The following FCRL3 variants were observed in gnomAD, a reference collection of about 807,000 sequenced individuals.
FCRL3 encodes Fc receptor-like protein 3.
Under a neutral mutation model 75.0 loss-of-function variants are expected in FCRL3, and 89 were observed. The observed-to-expected ratio is 1.19, with a 90% CI of 1.00 to 1.42. The LOEUF is 1.42. FCRL3 is among the 40% of genes most tolerant of loss of function. The pLI, the probability that FCRL3 is intolerant of heterozygous loss-of-function variation, is 0.00. For missense variants in FCRL3, 946 were observed against 880.0 expected, an observed-to-expected ratio of 1.07 and a Z score of -0.95; for synonymous variants, 376 against 348.5, an observed-to-expected ratio of 1.08 and a Z score of -0.88.
rs942772848 is a variant in FCRL3 at position 157,677,924 on chromosome 1, T to C, written c.*786A>G. 1.0e-5 allele frequency: 10 copies of C among 979,650 alleles called. No individual in the cohort carries two copies. In the African/African-American group the frequency reaches 1.8e-4, roughly 17 times the overall value. 60.7% of individuals were successfully genotyped at this position (979,650 alleles called of 1,614,324 possible). On this transcript the variant is annotated 3_prime_UTR_variant, in exon 15 of 15. Coordinates refer to ENST00000368184, the MANE Select transcript of FCRL3 (RefSeq NM_052939.4). Reference sequence around the variant, plus strand: ...GAGAATGGGAGAAGCCACATAGATATAGTAGGTTATTGTCTCGGGGTTAAT... The same window carrying C: ...GAGAATGGGAGAAGCCACATAGATACAGTAGGTTATTGTCTCGGGGTTAAT...
chr1:157,678,727 GT>G lies in FCRL3; in HGVS notation c.2187del (p.Leu729PhefsTer73), dbSNP rs773130778. On this transcript the variant is annotated frameshift_variant, in exon 15 of 15. Transcript: ENST00000368184. LOFTEE classifies it high-confidence loss of function. ...GTAAGGGGCTAGTGGTCTGAGGCCA[GT>G]AATACACGTGGTACATTCTCATAGT... ...EENYENVPRV[L>X]LASDH 5.0e-6 allele frequency: 8 copies of G among 1,613,728 alleles called. No homozygotes were observed. The South Asian group carries it at 8.8e-5, about 18-fold the overall frequency.
Position 157,677,827 on chromosome 1 carries a change from A to C in FCRL3, c.*883T>G, listed in dbSNP as rs1654555510. 1 of 545,128 alleles carries C rather than the reference A, an allele frequency of 1.8e-6. No individual in the cohort carries two copies. The highest frequency in any genetic ancestry group is 7.9e-5 in the South Asian group (1 of 12,606). The allele number at this position is 545,128 out of a possible 1,614,324, so 33.8% of individuals were successfully genotyped here. A position where few individuals can be genotyped will look rare whatever the true frequency, so the allele number is the denominator to read the frequency against. The stretch of plus-strand genomic sequence containing the variant: ...CATGTAGATACATTAATATGATAGA[A>C]ATAGGAGAGCATGGGAATAATGAAC... On this transcript the variant is annotated 3_prime_UTR_variant, in exon 15 of 15. Coordinates refer to ENST00000368184, the MANE Select transcript of FCRL3 (RefSeq NM_052939.4).
chr1:157,691,825 A>G (rs1463839947), intron 8 of FCRL3: 2 of 152,098 alleles, frequency 1.3e-5, no homozygotes, highest in Non-Finnish European at 2.9e-5. Flanking sequence ...CTGAATGCAT[A>G]TTCCCCTAAA....
Position 157,700,474 on chromosome 1 carries a change from G to A in FCRL3, c.16C>T (p.Leu6=). ...ATCTACTCACTCAGGATCAGCAGCA[G>A]CAGCCACAGAAGCATGGGCACCGGC... is the stretch of plus-strand genomic sequence containing the variant. MLLWL[L]LLILTPGREQ... Residue 6 remains leucine (L), a synonymous_variant, in exon 2 of 15, where the codon CTG becomes TTG. Transcript: ENST00000368184. The A allele has an allele frequency of 6.2e-7, 1 of 1,613,850 alleles. No individual in the cohort carries two copies.
At chr1:157,692,314 C>T (rs910380529) in intron 8 of FCRL3, among the ~76,000 whole-genome samples, 1 of 152,144 alleles carries the variant, frequency 6.6e-6, no homozygotes. Flanking sequence ...TCATGACTCA[C>T]TGAAGCCTTG....
intron 13 of FCRL3, among the ~76,000 whole-genome samples, chr1:157,680,451 C>T (rs1370033291): frequency 6.6e-6 from 1 of 152,216 alleles, no homozygotes; most frequent in East Asian, 1.9e-4. Flanking sequence ...TACAGTTTTC[C>T]AAGCATTGAG....
chr1:157,695,571 G>A lies in FCRL3; in HGVS notation c.1169C>T (p.Pro390Leu). The change falls in exon 8 of 15, where the codon CCC becomes CTC. Residue 390 changes from proline (P) to leucine (L), a missense_variant. Pro to Leu is a moderately conservative substitution (Grantham distance 98). Transcript: ENST00000368184. ...GTCCCCCACCACAGTGTGGGCCCTG[G>A]GAGCCCTGAAGGTGAGGACAGGGTG... ...VSHPVLTFRA[P>L]RAHTVVGDLL... 6.2e-7 allele frequency: 1 copy of A among 1,613,642 alleles called. No individual in the cohort carries two copies. Among genetic ancestry groups the A allele is most frequent in the African/African-American group, 1.3e-5 (1 of 75,040 alleles).
chr1:157,678,438 T>G lies in FCRL3; in HGVS notation c.*272A>C. 1 of 1,296,176 alleles carries G rather than the reference T, an allele frequency of 7.7e-7. No individual in the cohort carries two copies. Among genetic ancestry groups the G allele is most frequent in the Non-Finnish European group, 9.8e-7 (1 of 1,016,958 alleles). 80.3% of individuals were successfully genotyped at this position (1,296,176 alleles called of 1,614,324 possible). ...AGACCATTTCTCTCTCCTCCTCTAT[T>G]CGACAGCCCTAGGAGCTGAGGGCCC... On this transcript the variant is annotated 3_prime_UTR_variant, in exon 15 of 15. Coordinates refer to ENST00000368184, the MANE Select transcript of FCRL3 (RefSeq NM_052939.4).
chr1:157,699,607 G>C, intron 3 of FCRL3, 85 bp downstream of exon 3: 1 of 1,416,740 alleles, frequency 7.1e-7, no homozygotes, highest in East Asian at 2.3e-5. Flanking sequence ...GATGGGATGC[G>C]TGCCTGCAAG....
rs1258511969 is a variant in FCRL3 at position 157,678,550 on chromosome 1, C to T, written c.*160G>A. On this transcript the variant is annotated 3_prime_UTR_variant, in exon 15 of 15. Transcript: ENST00000368184. ...CTCTCTTCCTGGGGAACACACAGAT[C>T]AGGCACAGGGGAGATTTGCAGACCT... The T allele has an allele frequency of 1.4e-6, 2 of 1,473,196 alleles. No individual in the cohort carries two copies. The highest frequency in any genetic ancestry group is 1.4e-5 in the African/African-American group (1 of 70,980). The allele number at this position is 1,473,196 out of a possible 1,614,324, so 91.3% of individuals were successfully genotyped here.
At chr1:157,694,087 T>A (rs1351495799) in intron 8 of FCRL3, among the ~76,000 whole-genome samples, 2 of 152,182 alleles carry the variant, frequency 1.3e-5, no homozygotes, top group Non-Finnish European at 2.9e-5. Flanking sequence ...TGTTTTGTAA[T>A]GTGCCCATTA....
rs1211237572 is a variant in FCRL3, at chr1:157,678,345, G to C, written c.*365C>G. The C allele has an allele frequency of 1.9e-6, 2 of 1,055,626 alleles. No individual in the cohort carries two copies. The highest frequency in any genetic ancestry group is 1.7e-5 in the African/African-American group (1 of 59,942). 65.4% of individuals were successfully genotyped at this position (1,055,626 alleles called of 1,614,324 possible). On this transcript the variant is annotated 3_prime_UTR_variant, in exon 15 of 15. Transcript: ENST00000368184. ...ATTTGGAGCAAATTGTTTATACAGA[G>C]AGCACATTAACAGCTTTCGATCACA...
chr1:157,694,332 C>A (rs1655754824), intron 8 of FCRL3, among the ~76,000 whole-genome samples: 1 of 152,174 alleles, frequency 6.6e-6, no homozygotes, highest in Non-Finnish European at 1.5e-5. Context: ...AGACTCGAGT[C>A]TCTGTTTCAG....
chr1:157,689,752 A>G (rs1655391555), intron 10 of FCRL3, 46 bp downstream of exon 10: 1 of 1,611,220 alleles, frequency 6.2e-7, no homozygotes. Flanking sequence ...TCAAATTATT[A>G]TAGCAACGGC....
At chr1:157,698,082 A>T in intron 4 of FCRL3, 163 bp from the exon 5 acceptor site, 1 of 805,736 alleles carries the variant, frequency 1.2e-6, no homozygotes, top group Non-Finnish European at 1.9e-6. Flanking sequence ...TTGCCCTACA[A>T]GGGTGAACCA....
At chr1:157,700,778 T>C (rs1163339867), upstream of FCRL3, 4 of 1,241,900 alleles carry the variant, frequency 3.2e-6, no homozygotes, top group Non-Finnish European at 4.1e-6. Flanking sequence ...GTGCCTGGGT[T>C]CTCTAGAAAT....
At chr1:157,689,697 A>T (rs1016491624) in intron 10 of FCRL3, 101 bp downstream of exon 10, 9 of 1,494,858 alleles carry the variant, frequency 6.0e-6, no homozygotes, top group East Asian at 2.4e-5. Flanking sequence ...AGGGCCTAGT[A>T]CTTGGAAGGG....
intron 12 of FCRL3, 56 bp from the exon 13 acceptor site, chr1:157,680,826 ACTT>A: frequency 6.5e-7 from 1 of 1,542,748 alleles, no homozygotes; most frequent in Non-Finnish European, 8.9e-7. Context: ...TCTAGACTCT[ACTT>A]CCCAATCACC....
chr1:157,690,143 C>G (rs1303081951), intron 9 of FCRL3, 112 bp downstream of exon 9: 8 of 1,435,090 alleles, frequency 5.6e-6, no homozygotes, highest in Non-Finnish European at 7.6e-6. Flanking sequence ...AGTCCCAAGC[C>G]TTCGTGTGCA....
Sources: allele counts gnomAD v4.1 joint callset (sites outside exome capture counted in the v4.1 genomes callset), GRCh38; gene constraint gnomAD v4.1.1; transcripts MANE v1.5; gene names NCBI Gene and HGNC (gene_info 2026-07-23, HGNC 2026-07-21).